The following TRPM3 variants were observed in gnomAD, a reference collection of about 807,000 sequenced individuals.
TRPM3 encodes the protein long transient receptor potential channel 3.
TRPM3 carries 77 observed loss-of-function variants against 181.2 expected under a neutral mutation model. The observed-to-expected ratio is 0.42, with a 90% CI of 0.35 to 0.51. TRPM3 has a LOEUF of 0.51. Ranked by LOEUF, TRPM3 falls within the 20% of genes least tolerant of loss-of-function variation. The pLI is 0.01. For synonymous variants in TRPM3, 745 were observed against 796.4 expected (o/e 0.94, Z 1.09); for missense variants, 1,759 against 2,196.7 (o/e 0.80, Z 3.98).
intron 1 of TRPM3, among the ~76,000 whole-genome samples, chr9:71,296,050 T>G (rs74471154): frequency 0.012 from 1,841 of 152,158 alleles, 32 homozygotes; most frequent in African/African-American, 0.042. Flanking sequence ...AAAATGTTTG[T>G]GAAAATGGTA....
chr9:71,400,590 CATTT>C (rs1349748351), intron 1 of TRPM3, among the ~76,000 whole-genome samples: 1 of 151,948 alleles, frequency 6.6e-6, no homozygotes, highest in African/African-American at 2.4e-5. Flanking sequence ...TTAATTTTTA[CATTT>C]ATTAATTTTA....
intron 1 of TRPM3, among the ~76,000 whole-genome samples, chr9:71,144,244 A>G (rs2075287768): frequency 6.6e-6 from 1 of 152,166 alleles, no homozygotes; most frequent in Admixed American, 6.6e-5. Flanking sequence ...CCCTAGAAGT[A>G]GTATGCTCTA....
In TRPM3 at chr9:70,610,663, G is replaced by T; in HGVS notation, c.2613C>A (p.Gly871=). 6.2e-7 allele frequency: 1 copy of T among 1,614,152 alleles called. No homozygotes were observed. Among genetic ancestry groups the T allele is most frequent in the Admixed American group, 1.7e-5 (1 of 60,028 alleles). The part of the protein sequence containing the change: ...VQSKHRLIPL[G]RKIYEFYNAP... ...CATTGTAGAATTCATAGATTTTTCT[G>T]CCGAGGGGGATTAACCGGTGCTTGC... Residue 871 remains glycine (G), a synonymous_variant, in exon 19 of 26, where the codon GGC becomes GGA. Coordinates refer to ENST00000677713, the MANE Select transcript of TRPM3 (RefSeq NM_001366145.2).
Position 70,532,751 on chromosome 9 carries a change from G to A in TRPM3, c.*3202C>T, listed in dbSNP as rs1044954011. The A allele has an allele frequency of 4.6e-5, 7 of 152,102 alleles. No homozygotes were observed. The highest frequency in any genetic ancestry group is 1.7e-4 in the African/African-American group (7 of 41,408). 9.4% of individuals were successfully genotyped at this position (152,102 alleles called of 1,614,324 possible). A position where few individuals can be genotyped will look rare whatever the true frequency, so the allele number is the denominator to read the frequency against. ...TAAACCGAAGCTATTACTTCCTTGA[G>A]CTCTCTATGACTTTATTTACGGTCC... On this transcript the variant is annotated 3_prime_UTR_variant, in exon 26 of 26. Coordinates refer to ENST00000677713, the MANE Select transcript of TRPM3 (RefSeq NM_001366145.2).
At chr9:71,428,664 T>C (rs1204993436) in intron 1 of TRPM3, among the ~76,000 whole-genome samples, 4 of 152,208 alleles carry the variant, frequency 2.6e-5, no homozygotes, top group Admixed American at 6.5e-5. Flanking sequence ...CTGATGCTTC[T>C]GGCATGCTTC....
At chr9:71,114,656 T>C (rs778345753) in intron 1 of TRPM3, among the ~76,000 whole-genome samples, 5 of 152,200 alleles carry the variant, frequency 3.3e-5, no homozygotes, top group Non-Finnish European at 7.4e-5. Flanking sequence ...GCATCAGTTA[T>C]GGCTGCTTCA....
At chr9:71,301,988 G>A (rs185485793) in intron 1 of TRPM3, among the ~76,000 whole-genome samples, 89 of 152,130 alleles carry the variant, frequency 5.9e-4, no homozygotes, top group African/African-American at 1.7e-3. Flanking sequence ...ATGAAACAGC[G>A]TTTGTGTTTA....
intron 1 of TRPM3, among the ~76,000 whole-genome samples, chr9:71,311,994 C>T (rs1026634454): frequency 3.9e-5 from 6 of 152,174 alleles, no homozygotes; most frequent in East Asian, 1.9e-4. Context: ...CTTATCTAGA[C>T]GGTCTTGGGT....
chr9:70,637,332 T>C (rs1245920938), intron 11 of TRPM3, among the ~76,000 whole-genome samples: 2 of 152,206 alleles, frequency 1.3e-5, no homozygotes, highest in Non-Finnish European at 2.9e-5. Context: ...TAGTGTTAGC[T>C]ATTATTATTA....
chr9:71,329,561 A>G (rs181449438), intron 1 of TRPM3, among the ~76,000 whole-genome samples: 110 of 152,340 alleles, frequency 7.2e-4, no homozygotes, highest in African/African-American at 2.6e-3. Context: ...ATTATATTGC[A>G]TAAGGGAGAG....
At chr9:71,238,894 G>A (rs141447522) in intron 1 of TRPM3, among the ~76,000 whole-genome samples, 9 of 152,076 alleles carry the variant, frequency 5.9e-5, no homozygotes, top group Non-Finnish European at 8.8e-5. Context: ...TTGAAAAATC[G>A]CCAACCCTTG....
chr9:71,364,176 A>G (rs760906268), intron 1 of TRPM3, among the ~76,000 whole-genome samples: 10 of 152,110 alleles, frequency 6.6e-5, no homozygotes, highest in Non-Finnish European at 1.3e-4. Flanking sequence ...CAAGACTACA[A>G]CAATAAAAAG....
chr9:70,855,920 A>C (rs2095374090), intron 3 of TRPM3, among the ~76,000 whole-genome samples: 1 of 152,206 alleles, frequency 6.6e-6, no homozygotes, highest in African/African-American at 2.4e-5. Context: ...AACTGTCATC[A>C]AATCCCTAGT....
chr9:71,077,834 T>G (rs1470698006), intron 1 of TRPM3, among the ~76,000 whole-genome samples: 1 of 152,098 alleles, frequency 6.6e-6, no homozygotes, highest in Non-Finnish European at 1.5e-5. Flanking sequence ...CTAGATTCTA[T>G]GTAAATCAGT....
At chr9:71,255,887 T>G (rs893132163) in intron 1 of TRPM3, among the ~76,000 whole-genome samples, 2 of 152,208 alleles carry the variant, frequency 1.3e-5, no homozygotes, top group Non-Finnish European at 2.9e-5. Flanking sequence ...CAGCTTCTTA[T>G]GGACAGCTGT....
At chr9:71,418,781 G>A (rs2093677403) in intron 1 of TRPM3, among the ~76,000 whole-genome samples, 1 of 137,544 alleles carries the variant, frequency 7.3e-6, no homozygotes, top group Non-Finnish European at 1.5e-5. Context: ...TATATATAGA[G>A]TATATACATC....
At chr9:71,214,877 C>T (rs545637544) in intron 1 of TRPM3, among the ~76,000 whole-genome samples, 8 of 152,160 alleles carry the variant, frequency 5.3e-5, no homozygotes, top group African/African-American at 1.9e-4. Flanking sequence ...ATGAAATAGT[C>T]TCTCTTCTTT....
At position 71,140,572 on chromosome 9, in the gene TRPM3, G is replaced by A. The variant is rs73647950; in HGVS notation, c.184-276061C>T. On this transcript the variant is annotated intron_variant, in intron 1 of 24. Coordinates refer to the TRPM3 transcript ENST00000357533. The stretch of plus-strand genomic sequence containing the variant: ...GAATAATGTTTGAAAATATTTTTAC[G>A]TTACAGTATCTTTAAGGCAAATAGG... Among the ~76,000 whole-genome samples the A allele has an allele frequency of 1.1e-3, 171 of 152,112 alleles. 1 individual carries two copies. The highest frequency in any genetic ancestry group is 3.6e-3 in the African/African-American group (149 of 41,504).
intron 1 of TRPM3, among the ~76,000 whole-genome samples, chr9:71,369,172 A>C (rs1383718263): frequency 1.3e-5 from 2 of 152,170 alleles, no homozygotes; most frequent in Non-Finnish European, 2.9e-5. Flanking sequence ...GATGCCCAAA[A>C]TAGGTGACAA....
Sources: allele counts gnomAD v4.1 joint callset (sites outside exome capture counted in the v4.1 genomes callset), GRCh38; gene constraint gnomAD v4.1.1; transcripts MANE v1.5; gene names NCBI Gene and HGNC (gene_info 2026-07-23, HGNC 2026-07-21).